The following GABRG1 variants were observed in gnomAD, a reference collection of about 807,000 sequenced individuals.
The protein encoded by GABRG1 is gamma-aminobutyric acid receptor subunit gamma-1.
Under a neutral mutation model 49.8 loss-of-function variants are expected in GABRG1, and 49 were observed. The ratio of observed to expected loss-of-function variants is 0.98; its 90% CI spans 0.78 to 1.25. The LOEUF (loss-of-function observed/expected upper bound fraction) is 1.25. Among genes scored for constraint, GABRG1 ranks in the 50% most tolerant of loss-of-function variants. The probability of loss-of-function intolerance (pLI) is 0.00; values close to 1 mark genes in which losing one functional copy is unlikely to be tolerated. For missense variants in GABRG1, 552 were observed against 552.3 expected (o/e 1.00, Z 0.01); for synonymous variants, 232 against 185.1 (o/e 1.25, Z -2.06).
intron 3 of GABRG1, among the ~76,000 whole-genome samples, chr4:46,077,916 A>T (rs1037047054): frequency 6.6e-6 from 1 of 151,784 alleles, no homozygotes; most frequent in African/African-American, 2.4e-5. Flanking sequence ...CTTTCACTTC[A>T]TATTTATAGA....
At chr4:46,089,836 G>C (rs185582243) in intron 2 of GABRG1, among the ~76,000 whole-genome samples, 2 of 151,996 alleles carry the variant, frequency 1.3e-5, no homozygotes, top group East Asian at 3.9e-4. Flanking sequence ...GGTGTGGCAC[G>C]CTTGTAGTAC....
Position 46,041,205 on chromosome 4 carries a change from ATAT to A in GABRG1, c.1178_1180del (p.Asn393del), listed in dbSNP as rs756507790. On this transcript the variant is annotated inframe_deletion, in exon 9 of 9. Coordinates refer to ENST00000295452, the MANE Select transcript of GABRG1 (RefSeq NM_173536.4). Reference sequence around the variant, plus strand: ...ATAATCATCTTCTTGCGGCACAGAAATATTATTCATTGGAATCAGAGTGGATCC... The same window carrying A: ...ATAATCATCTTCTTGCGGCACAGAAATATTCATTGGAATCAGAGTGGATCC... The A allele has an allele frequency of 1.9e-6, 3 of 1,612,904 alleles. No individual in the cohort carries two copies. Among genetic ancestry groups the A allele is most frequent in the South Asian group, 2.2e-5 (2 of 91,058 alleles).
intron 8 of GABRG1, among the ~76,000 whole-genome samples, chr4:46,042,937 G>T: frequency 6.6e-6 from 1 of 151,858 alleles, no homozygotes; most frequent in East Asian, 1.9e-4. Context: ...GTTAATGACA[G>T]ATCTTTTGAG....
intron 3 of GABRG1, among the ~76,000 whole-genome samples, chr4:46,065,975 T>C (rs1254796307): frequency 6.6e-6 from 1 of 151,978 alleles, no homozygotes; most frequent in Non-Finnish European, 1.5e-5. Context: ...GCCCGGCTCA[T>C]CCTCCCAAAG....
intron 1 of GABRG1, among the ~76,000 whole-genome samples, chr4:46,110,192 C>T (rs1206247377): frequency 6.6e-6 from 1 of 150,996 alleles, no homozygotes; most frequent in African/African-American, 2.4e-5. Flanking sequence ...AATGTAGGTG[C>T]TCCAATGTTG....
At chr4:46,091,913 G>T (rs557135200) in intron 2 of GABRG1, among the ~76,000 whole-genome samples, 36 of 152,052 alleles carry the variant, frequency 2.4e-4, no homozygotes, top group African/African-American at 8.4e-4. Context: ...CTAAGAAAAT[G>T]TTAAAATTGT....
chr4:46,120,824 C>T (rs1370877832), intron 1 of GABRG1, among the ~76,000 whole-genome samples: 1 of 151,632 alleles, frequency 6.6e-6, no homozygotes, highest in Non-Finnish European at 1.5e-5. Context: ...TGATTTTTTC[C>T]TGGAGCTCTT....
intron 7 of GABRG1, among the ~76,000 whole-genome samples, chr4:46,057,189 G>T (rs1243554071): frequency 2.0e-5 from 3 of 152,072 alleles, no homozygotes; most frequent in Non-Finnish European, 2.9e-5. Flanking sequence ...AATGGATTTT[G>T]TCCACTAGCT....
rs149019896 is a variant in GABRG1, at chr4:46,078,510, G to A, written c.321+5476C>T. 1.3e-3 allele frequency among the ~76,000 whole-genome samples: 190 copies of A among 151,974 alleles called. 1 individual carries two copies. Among genetic ancestry groups the A allele is most frequent in the African/African-American group, 4.3e-3 (178 of 41,496 alleles). On this transcript the variant is annotated intron_variant, in intron 3 of 8. Transcript: ENST00000295452. ...AGGGTGGCAGGGAGAAAAAGAGAGG[G>A]TGAGAAAGAGATCAGCCTATGGAAT... is the stretch of plus-strand genomic sequence containing the variant.
rs1236083941 is a variant in GABRG1, at chr4:46,040,499, G to A, written c.*489C>T. The A allele has an allele frequency of 6.6e-6, 1 of 152,318 alleles. No homozygotes were observed. Among genetic ancestry groups the A allele is most frequent in the African/African-American group, 2.4e-5 (1 of 41,380 alleles). 9.4% of individuals were successfully genotyped at this position (152,318 alleles called of 1,614,324 possible). On this transcript the variant is annotated 3_prime_UTR_variant, in exon 9 of 9. Transcript: ENST00000295452. ...TTGGAAGAAAATCCAAGAAAACTAT[G>A]GCTTTATGTTATCAACTAACTGTAT... is the stretch of plus-strand genomic sequence containing the variant.
intron 8 of GABRG1, among the ~76,000 whole-genome samples, chr4:46,046,384 G>A (rs1348318760): frequency 6.6e-6 from 1 of 151,996 alleles, no homozygotes; most frequent in Non-Finnish European, 1.5e-5. Context: ...GGTACTAACT[G>A]GTTACTCTAT....
intron 1 of GABRG1, among the ~76,000 whole-genome samples, chr4:46,118,145 T>C (rs1201456060): frequency 6.8e-6 from 1 of 146,222 alleles, no homozygotes; most frequent in African/African-American, 2.5e-5. Context: ...TATATATATA[T>C]ACAGCTACAG....
chr4:46,043,246 C>T (rs1017158904), intron 8 of GABRG1, among the ~76,000 whole-genome samples: 3 of 151,658 alleles, frequency 2.0e-5, no homozygotes, highest in African/African-American at 7.3e-5. Context: ...TTTTTTAGTG[C>T]ACTAAAATGA....
intron 2 of GABRG1, among the ~76,000 whole-genome samples, chr4:46,088,884 T>A (rs1439637919): frequency 6.7e-6 from 1 of 150,192 alleles, no homozygotes; most frequent in African/African-American, 2.5e-5. Flanking sequence ...GAAGGCTGGT[T>A]TCTCATTCTC....
At position 46,038,843 on chromosome 4, in the gene GABRG1, T is replaced by G. The variant is rs1717639414; in HGVS notation, c.*2145A>C. The G allele has an allele frequency of 6.6e-6, 1 of 151,768 alleles. No individual in the cohort carries two copies. Among genetic ancestry groups the G allele is most frequent in the African/African-American group, 2.4e-5 (1 of 41,416 alleles). 9.4% of individuals were successfully genotyped at this position (151,768 alleles called of 1,614,324 possible). A position where few individuals can be genotyped will look rare whatever the true frequency, so the allele number is the denominator to read the frequency against. ...TCTTTCATATATTTACAAATTTTATTTCCACTTGTAAATATTGTCAACATT... is the reference window on the plus strand; with the variant it reads ...TCTTTCATATATTTACAAATTTTATGTCCACTTGTAAATATTGTCAACATT... On this transcript the variant is annotated 3_prime_UTR_variant, in exon 9 of 9. Transcript: ENST00000295452.
At chr4:46,089,562 A>G (rs186610307) in intron 2 of GABRG1, among the ~76,000 whole-genome samples, 2 of 152,218 alleles carry the variant, frequency 1.3e-5, no homozygotes, top group East Asian at 3.9e-4. Flanking sequence ...GTGTCTCAAG[A>G]GAGGATGTCT....
chr4:46,084,335 C>T (rs1490867220), intron 2 of GABRG1, among the ~76,000 whole-genome samples: 1 of 151,610 alleles, frequency 6.6e-6, no homozygotes, highest in African/African-American at 2.4e-5. Flanking sequence ...TTTAGTCATA[C>T]ATGCTCAGTT....
intron 1 of GABRG1, among the ~76,000 whole-genome samples, chr4:46,116,258 G>GA (rs954362424): frequency 2.7e-5 from 4 of 150,726 alleles, no homozygotes; most frequent in African/African-American, 9.7e-5. Context: ...GTAAGAGAAA[G>GA]AAAATGTAAT....
chr4:46,118,922 A>T (rs1421744375), intron 1 of GABRG1, among the ~76,000 whole-genome samples: 1 of 151,334 alleles, frequency 6.6e-6, no homozygotes, highest in African/African-American at 2.4e-5. Context: ...TAACTTTTGT[A>T]TTGGGAGAAA....
Sources: allele counts gnomAD v4.1 joint callset (sites outside exome capture counted in the v4.1 genomes callset), GRCh38; gene constraint gnomAD v4.1.1; transcripts MANE v1.5; gene names NCBI Gene and HGNC (gene_info 2026-07-23, HGNC 2026-07-21).